The following CDKL1 variants were observed in gnomAD, a reference collection of about 807,000 sequenced individuals.
The protein encoded by CDKL1 is cyclin dependent kinase like 1, also known as cyclin-dependent kinase-like 1.
A neutral mutation model predicts 42.0 loss-of-function variants in CDKL1; 41 were observed. The ratio of observed to expected loss-of-function variants is 0.98; its 90% CI spans 0.76 to 1.27. The LOEUF (loss-of-function observed/expected upper bound fraction) is 1.27, where lower values mean the gene tolerates loss of function less well. Ranked by LOEUF, CDKL1 falls within the 50% of genes most tolerant of loss-of-function variation. The pLI is 0.00. For synonymous variants in CDKL1, 153 were observed against 158.6 expected, an observed-to-expected ratio of 0.96 and a Z score of 0.26; for missense variants, 394 against 428.4, an observed-to-expected ratio of 0.92 and a Z score of 0.71.
At chr14:50,350,485 A>G (rs2033869098) in intron 3 of CDKL1, among the ~76,000 whole-genome samples, 1 of 152,190 alleles carries the variant, frequency 6.6e-6, no homozygotes, top group African/African-American at 2.4e-5. Context: ...AAGGGGCTTG[A>G]GCTTTTCTCC....
rs1373864165 is a variant in CDKL1, at chr14:50,329,576, A to C, written c.*498T>G. The C allele has an allele frequency of 6.6e-6, 1 of 152,472 alleles. No individual in the cohort carries two copies. Among genetic ancestry groups the C allele is most frequent in the Non-Finnish European group, 1.5e-5 (1 of 68,230 alleles). 9.4% of individuals were successfully genotyped at this position (152,472 alleles called of 1,614,324 possible). ...TTTTAAAATATAAAAATCAAGAAATAGAGCAAGCAGGAAATGGGATTTTAA... is the reference window on the plus strand; with the variant it reads ...TTTTAAAATATAAAAATCAAGAAATCGAGCAAGCAGGAAATGGGATTTTAA... On this transcript the variant is annotated 3_prime_UTR_variant, in exon 10 of 10. Transcript: ENST00000395834.
chr14:50,395,964 C>G lies in CDKL1; in HGVS notation c.-96G>C. ...CTTTGGGAGGCTGAGGCGGGCAGAT[C>G]ACCTGAGGTCAGGAGTTCGAGACCA... On this transcript the variant is annotated 5_prime_UTR_variant, in exon 2 of 10. Coordinates refer to ENST00000395834, the MANE Select transcript of CDKL1 (RefSeq NM_004196.7). 8.5e-7 allele frequency: 1 copy of G among 1,174,786 alleles called. No individual in the cohort carries two copies. The highest frequency in any genetic ancestry group is 1.2e-6 in the Non-Finnish European group (1 of 803,354). The allele number at this position is 1,174,786 out of a possible 1,614,324, so 72.8% of individuals were successfully genotyped here.
rs144300680 is a variant in CDKL1 at position 50,342,182 on chromosome 14, G to A, written c.404C>T (p.Thr135Met). 128 of 1,614,062 alleles carry A rather than the reference G, an allele frequency of 7.9e-5. No individual in the cohort carries two copies. Among genetic ancestry groups the A allele is most frequent in the Non-Finnish European group, 9.4e-5 (111 of 1,179,984 alleles). ...ACAAAGCTTAATCACGGAATGTTTC[G>A]TGATGAGGATATTTTCTGGCTTCAC... The part of the protein sequence containing the change: ...RDVKPENILI[T>M]KHSVIKLCDF... The change falls in exon 5 of 10, where the codon ACG becomes ATG. Residue 135 changes from threonine to methionine, a missense_variant. Thr to Met is a moderately conservative substitution (Grantham distance 81). Coordinates refer to ENST00000395834, the MANE Select transcript of CDKL1 (RefSeq NM_004196.7).
chr14:50,343,073 C>A (rs778755620), intron 4 of CDKL1: 3 of 1,302,934 alleles, frequency 2.3e-6, no homozygotes, highest in East Asian at 5.3e-5. Context: ...GAGAAAAGAA[C>A]GTTTGAGAAT....
chr14:50,379,903 A>C (rs1566605674), intron 2 of CDKL1, among the ~76,000 whole-genome samples: 2 of 152,166 alleles, frequency 1.3e-5, no homozygotes, highest in Admixed American at 1.3e-4. Context: ...GGAAAGGAAA[A>C]TACTCAGACC....
chr14:50,342,308 G>A (rs1449680982), intron 4 of CDKL1, 86 bp from the exon 5 acceptor site: 5 of 1,483,830 alleles, frequency 3.4e-6, no homozygotes, highest in Admixed American at 3.6e-5. Context: ...AGCAAATATT[G>A]GATAAATCAT....
Position 50,389,986 on chromosome 14 carries a change from T to C in CDKL1, c.168+5715A>G, listed in dbSNP as rs2035205882. On this transcript the variant is annotated intron_variant, in intron 2 of 9. Coordinates refer to ENST00000395834, the MANE Select transcript of CDKL1 (RefSeq NM_004196.7). ...AACCATACTGAATCCATTTGTAAAATGGGATAACAATATCTACCTTCTAAG... is the reference window on the plus strand; with the variant it reads ...AACCATACTGAATCCATTTGTAAAACGGGATAACAATATCTACCTTCTAAG... The C allele has an allele frequency of 1.9e-5, 9 of 484,814 alleles. No homozygotes were observed. The Admixed American group carries it at 2.0e-4, about 11-fold the overall frequency. 30.0% of individuals were successfully genotyped at this position (484,814 alleles called of 1,614,324 possible). A position where few individuals can be genotyped will look rare whatever the true frequency, so the allele number is the denominator to read the frequency against.
chr14:50,335,536 G>C, intron 7 of CDKL1: 1 of 1,536,078 alleles, frequency 6.5e-7, no homozygotes, highest in African/African-American at 1.4e-5. Context: ...CGCCAGTCAC[G>C]TGCTGGAGAC....
chr14:50,361,351 T>C (rs1285930916), intron 2 of CDKL1, among the ~76,000 whole-genome samples: 1 of 152,240 alleles, frequency 6.6e-6, no homozygotes, highest in East Asian at 1.9e-4. Context: ...GATATTATAC[T>C]TGATGAACAA....
chr14:50,378,104 C>G (rs1329298646), intron 2 of CDKL1: 6 of 1,286,998 alleles, frequency 4.7e-6, no homozygotes, highest in Non-Finnish European at 6.1e-6. Flanking sequence ...CTGAAATTCT[C>G]AAATTTCCCT....
chr14:50,330,155 G>A lies in CDKL1; in HGVS notation c.993C>T (p.Gly331=). The A allele has an allele frequency of 6.2e-7, 1 of 1,607,372 alleles. No individual in the cohort carries two copies. Reference sequence around the variant, plus strand: ...TATCCAAAGCTGGAAGGATGCTGCTGCCAGTTAGCTGGGGTAGGTACTGCA... The same window carrying A: ...TATCCAAAGCTGGAAGGATGCTGCTACCAGTTAGCTGGGGTAGGTACTGCA... The part of the protein sequence containing the change: ...SKLQYLPQLT[G]SSILPALDNK... The change falls in exon 10 of 10, where the codon GGC becomes GGT. Residue 331 remains glycine, a synonymous_variant. Coordinates refer to ENST00000395834, the MANE Select transcript of CDKL1 (RefSeq NM_004196.7).
intron 2 of CDKL1, among the ~76,000 whole-genome samples, chr14:50,383,550 C>A (rs1270500818): frequency 7.3e-4 from 103 of 140,268 alleles, no homozygotes; most frequent in African/African-American, 1.3e-3. Context: ...GAGACTGTCT[C>A]AAAAAAAAAA....
chr14:50,366,674 G>A (rs967815528), intron 2 of CDKL1, among the ~76,000 whole-genome samples: 3 of 152,222 alleles, frequency 2.0e-5, no homozygotes, highest in Non-Finnish European at 2.9e-5. Flanking sequence ...AGCAGAGGCA[G>A]GGTAGTCGGT....
At chr14:50,389,382 T>C (rs936748541) in intron 2 of CDKL1, among the ~76,000 whole-genome samples, 13 of 152,168 alleles carry the variant, frequency 8.5e-5, no homozygotes, top group African/African-American at 2.9e-4. Context: ...TACACATTTT[T>C]TCTAATCACT....
rs1392643151 is a variant in CDKL1, at chr14:50,341,181, G to A, written c.506C>T (p.Ser169Phe). ...CGTGTCCCCCACCAGCAGCTCAGGG[G>A]AGCGGTACCACCTGGTAGCCACGTA... ...TDYVATRWYR[S>F]PELLVGDTQY... is the part of the protein sequence containing the mutation. The change falls in exon 6 of 10, where the codon TCC becomes TTC. Residue 169 changes from serine to phenylalanine, a missense_variant. Coordinates refer to ENST00000395834, the MANE Select transcript of CDKL1 (RefSeq NM_004196.7). The A allele has an allele frequency of 3.1e-6, 5 of 1,614,046 alleles. No individual in the cohort carries two copies. The highest frequency in any genetic ancestry group is 1.3e-5 in the African/African-American group (1 of 74,926).
intron 3 of CDKL1, among the ~76,000 whole-genome samples, chr14:50,349,781 T>C (rs1301466241): frequency 2.6e-5 from 4 of 152,192 alleles, no homozygotes; most frequent in African/African-American, 7.2e-5. Context: ...TTTGTTTTGT[T>C]TTTTTGAGAC....
intron 4 of CDKL1, among the ~76,000 whole-genome samples, chr14:50,343,544 A>G (rs2033626689): frequency 6.6e-6 from 1 of 152,216 alleles, no homozygotes; most frequent in African/African-American, 2.4e-5. Context: ...ATTGCTATAA[A>G]TGGGTACACC....
At chr14:50,360,818 G>GTA (rs944881802) in intron 2 of CDKL1, among the ~76,000 whole-genome samples, 14 of 151,452 alleles carry the variant, frequency 9.2e-5, no homozygotes, top group Admixed American at 6.6e-4. Flanking sequence ...GTGTGTGTGT[G>GTA]TGTGTGTGAT....
chr14:50,389,433 G>A (rs1173169655), intron 2 of CDKL1, among the ~76,000 whole-genome samples: 2 of 151,790 alleles, frequency 1.3e-5, no homozygotes, highest in Non-Finnish European at 2.9e-5. Flanking sequence ...CTATATATCT[G>A]TATATGAACC....
Sources: allele counts gnomAD v4.1 joint callset (sites outside exome capture counted in the v4.1 genomes callset), GRCh38; gene constraint gnomAD v4.1.1; transcripts MANE v1.5; gene names NCBI Gene and HGNC (gene_info 2026-07-23, HGNC 2026-07-21).